Variants in PRR16 observed in about 807,000 individuals in gnomAD.
PRR16 encodes the protein proline rich 16, also known as protein Largen.
In PRR16, 6 loss-of-function variants were observed where a neutral mutation model predicts 18.2. That is an observed-to-expected ratio of 0.33 (90% confidence interval 0.18 to 0.65). The LOEUF (loss-of-function observed/expected upper bound fraction) is 0.65, where lower values mean the gene tolerates loss of function less well. Among genes scored for constraint, PRR16 ranks in the 30% least tolerant of loss-of-function variants. The probability of loss-of-function intolerance (pLI) is 0.74; values close to 1 mark genes in which losing one functional copy is unlikely to be tolerated. For synonymous variants in PRR16, 151 were observed against 147.8 expected (o/e 1.02, Z -0.16); for missense variants, 412 against 376.6 (o/e 1.09, Z -0.78).
At chr5:120,700,808 G>C in the PRR16 span, among the ~76,000 whole-genome samples, 184 of 152,234 alleles carry the variant, frequency 1.2e-3, no homozygotes, top group East Asian at 0.019. Flanking sequence ...GCTCGGCGTC[G>C]GTGATGGTCT....
At chr5:120,762,766 G>A in the PRR16 span, among the ~76,000 whole-genome samples, 5 of 152,202 alleles carry the variant, frequency 3.3e-5, 1 homozygote, top group Admixed American at 3.3e-4. Context: ...TTGTTGTGCA[G>A]AGGCATTTAA....
chr5:120,755,627 C>T, the PRR16 span, among the ~76,000 whole-genome samples: 1 of 151,904 alleles, frequency 6.6e-6, no homozygotes, highest in African/African-American at 2.4e-5. Context: ...TTATCCAGTC[C>T]ACTGTCGAGG....
chr5:120,717,192 T>C, the PRR16 span, among the ~76,000 whole-genome samples: 1 of 152,204 alleles, frequency 6.6e-6, no homozygotes, highest in African/African-American at 2.4e-5. Context: ...GATTAATGGA[T>C]GAAAAAGTAC....
the PRR16 span, among the ~76,000 whole-genome samples, chr5:120,743,808 G>A: frequency 1.3e-5 from 2 of 151,956 alleles, no homozygotes; most frequent in Non-Finnish European, 1.5e-5. Flanking sequence ...CATACTCATA[G>A]TCTTCTTCTT....
chr5:120,523,343 A>G (rs1387389735), intron 1 of PRR16, among the ~76,000 whole-genome samples: 3 of 152,186 alleles, frequency 2.0e-5, no homozygotes, highest in Admixed American at 6.5e-5. Flanking sequence ...GTTGTAGCCT[A>G]TGGTATTAAG....
the PRR16 span, among the ~76,000 whole-genome samples, chr5:120,788,650 C>T: frequency 2.6e-5 from 4 of 152,172 alleles, no homozygotes; most frequent in Middle Eastern, 0.01. Context: ...CAGTTCCAAA[C>T]AGGCTTTTCC....
chr5:120,791,915 G>C, the PRR16 span, among the ~76,000 whole-genome samples: 3 of 152,054 alleles, frequency 2.0e-5, no homozygotes, highest in South Asian at 2.1e-4. Context: ...AAATTAGTTT[G>C]TTTTGCATGA....
At chr5:120,574,195 A>C (rs910312617) in intron 1 of PRR16, among the ~76,000 whole-genome samples, 1 of 152,284 alleles carries the variant, frequency 6.6e-6, no homozygotes, top group Middle Eastern at 3.4e-3. Context: ...GAAATTTGTA[A>C]TATCTATACT....
chr5:120,522,358 G>T (rs578056760), intron 1 of PRR16, among the ~76,000 whole-genome samples: 1 of 152,096 alleles, frequency 6.6e-6, no homozygotes, highest in African/African-American at 2.4e-5. Context: ...TTTAATGATA[G>T]CCATTCTAAC....
chr5:120,739,789 A>T, the PRR16 span, among the ~76,000 whole-genome samples: 3 of 152,180 alleles, frequency 2.0e-5, no homozygotes, highest in Non-Finnish European at 2.9e-5. Flanking sequence ...TTAAATATAC[A>T]TTGGATGTTT....
the PRR16 span, among the ~76,000 whole-genome samples, chr5:120,782,334 C>T: frequency 6.6e-6 from 1 of 152,136 alleles, no homozygotes; most frequent in Non-Finnish European, 1.5e-5. Flanking sequence ...ACATGCAGCC[C>T]ACCCTCATAA....
the PRR16 span, among the ~76,000 whole-genome samples, chr5:120,730,007 C>G: frequency 3.3e-5 from 5 of 152,116 alleles, 1 homozygote; most frequent in African/African-American, 7.2e-5. Flanking sequence ...GGGCTTTATT[C>G]TACAACTCCC....
the PRR16 span, among the ~76,000 whole-genome samples, chr5:120,785,827 C>A: frequency 6.6e-6 from 1 of 151,658 alleles, no homozygotes; most frequent in African/African-American, 2.4e-5. Flanking sequence ...CCTCGGACTC[C>A]CAAAGTGCTG....
chr5:120,564,859 G>A (rs1192410339), intron 1 of PRR16, among the ~76,000 whole-genome samples: 3 of 151,910 alleles, frequency 2.0e-5, no homozygotes, highest in East Asian at 1.9e-4. Flanking sequence ...GGTGGCGGGC[G>A]CCTGTAGTCC....
In PRR16 at chr5:120,489,937, C is replaced by G. The variant is rs189048325; in HGVS notation, c.159+25292C>G. Among the ~76,000 whole-genome samples, 504 of 152,234 alleles carry G rather than the reference C, an allele frequency of 3.3e-3. 3 individuals carry two copies. Among genetic ancestry groups the G allele is most frequent in the African/African-American group, 0.012 (480 of 41,526 alleles). On this transcript the variant is annotated intron_variant, in intron 1 of 1. Coordinates refer to ENST00000407149, the MANE Select transcript of PRR16 (RefSeq NM_001300783.2). Reference sequence around the variant, plus strand: ...ACTTAGTTTGGCTGGATATGAAATTCTGGGTTGAAAATTCTTTTCTTTAAG... The same window carrying G: ...ACTTAGTTTGGCTGGATATGAAATTGTGGGTTGAAAATTCTTTTCTTTAAG...
Position 120,576,629 on chromosome 5 carries a change from GTCAC to G in PRR16, c.160-109324_160-109321del, listed in dbSNP as rs370958901. ...GAACAAAAAGGTTAACCCTATGTGT[GTCAC>G]AAGGGACTCCTGCCTGGCTGCTTGA... On this transcript the variant is annotated intron_variant, in intron 1 of 1. Transcript: ENST00000407149. 3.6e-3 allele frequency among the ~76,000 whole-genome samples: 547 copies of G among 152,196 alleles called. 4 individuals are homozygous for G. The highest frequency in any genetic ancestry group is 0.012 in the African/African-American group (513 of 41,540).
intron 1 of PRR16, among the ~76,000 whole-genome samples, chr5:120,563,807 C>G (rs1752650498): frequency 6.6e-6 from 1 of 152,024 alleles, no homozygotes. Flanking sequence ...TTTCCTTCTG[C>G]TTTCTCAAAC....
intron 1 of PRR16, chr5:120,618,597 T>G: frequency 1.1e-6 from 1 of 901,410 alleles, no homozygotes; most frequent in African/African-American, 1.8e-5. Flanking sequence ...GCAAATCACA[T>G]AAAATGGACA....
the PRR16 span, among the ~76,000 whole-genome samples, chr5:120,783,534 T>G: frequency 8.0e-3 from 1,219 of 152,280 alleles, 17 homozygotes; most frequent in African/African-American, 0.028. Context: ...TTTTTCAAAC[T>G]GGTAATATGC....
Sources: allele counts gnomAD v4.1 joint callset (sites outside exome capture counted in the v4.1 genomes callset), GRCh38; gene constraint gnomAD v4.1.1; transcripts MANE v1.5; gene names NCBI Gene and HGNC (gene_info 2026-07-23, HGNC 2026-07-21).